Variants in ZBED6 observed in about 807,000 individuals in gnomAD.
ZBED6 encodes zinc finger BED domain-containing protein 6.
A neutral mutation model predicts 58.4 loss-of-function variants in ZBED6; 40 were observed. The observed-to-expected ratio is 0.68, with a 90% CI of 0.53 to 0.89. The LOEUF (loss-of-function observed/expected upper bound fraction) is 0.89, where lower values mean the gene tolerates loss of function less well. Among genes scored for constraint, ZBED6 ranks in the 40% least tolerant of loss-of-function variants. The pLI is 0.00. For missense variants in ZBED6, 1,057 were observed against 1,003.9 expected (o/e 1.05, Z -0.71); for synonymous variants, 439 against 350.6 (o/e 1.25, Z -2.82).
exon 1 of ZBED6, chr1:203,798,518 A>G: frequency 6.5e-7 from 1 of 1,536,174 alleles, no homozygotes; most frequent in Non-Finnish European, 8.7e-7. Flanking sequence ...CAAATGGATT[A>G]GATGAAGCTG....
At chr1:203,849,926 C>CACA in exon 14 of ZBED6, 1 of 1,614,110 alleles carries the variant, frequency 6.2e-7, no homozygotes, top group Non-Finnish European at 8.5e-7. Flanking sequence ...AGCGGCTTCC[C>CACA]ACAAAGTCAT....
intron 3 of ZBED6, 114 bp from the exon 4 acceptor site, chr1:203,828,185 C>A: frequency 2.4e-6 from 3 of 1,259,112 alleles, no homozygotes; most frequent in Non-Finnish European, 3.3e-6. Flanking sequence ...ATCATCTCAT[C>A]TCACATGCCT....
At chr1:203,847,342 A>G in exon 12 of ZBED6, 4 of 1,613,972 alleles carry the variant, frequency 2.5e-6, no homozygotes, top group Non-Finnish European at 2.5e-6. Context: ...CTCCTCCACT[A>G]TCCGTATCAA....
intron 3 of ZBED6, among the ~76,000 whole-genome samples, chr1:203,823,558 C>G (rs1379837830): frequency 6.6e-6 from 1 of 152,228 alleles, no homozygotes; most frequent in Non-Finnish European, 1.5e-5. Context: ...TCCCCACTTA[C>G]CAATTAACTT....
exon 1 of ZBED6, chr1:203,797,466 G>A: frequency 7.1e-7 from 1 of 1,415,356 alleles, no homozygotes; most frequent in Non-Finnish European, 9.2e-7. Context: ...CTGTATTTCT[G>A]CTTGAGTAAT....
intron 1 of ZBED6, among the ~76,000 whole-genome samples, chr1:203,812,124 T>C (rs1674684480): frequency 6.6e-6 from 1 of 152,134 alleles, no homozygotes; most frequent in Non-Finnish European, 1.5e-5. Context: ...GCCTTAACTT[T>C]CATTTTAAAT....
At chr1:203,819,201 A>G (rs996493831) in intron 3 of ZBED6, among the ~76,000 whole-genome samples, 1 of 148,162 alleles carries the variant, frequency 6.7e-6, no homozygotes, top group Non-Finnish European at 1.5e-5. Flanking sequence ...ACTTTCCTCT[A>G]TGCAATTTTT....
At chr1:203,851,012 A>T (rs1689116536) in intron 15 of ZBED6, 45 bp from the exon 16 acceptor site, 1 of 1,596,806 alleles carries the variant, frequency 6.3e-7, no homozygotes, top group South Asian at 1.1e-5. Flanking sequence ...TGCTCAAATT[A>T]AAAAGCCTGA....
chr1:203,853,061 T>G (rs2103490154), exon 17 of ZBED6: 1 of 152,270 alleles, frequency 6.6e-6, no homozygotes, highest in Admixed American at 6.6e-5. Context: ...TTAAAAGGCT[T>G]TAAAGTGCCT....
At position 203,831,566 on chromosome 1, in the gene ZBED6, T is replaced by C. The variant is rs949718957; in HGVS notation, c.*3400-95T>C. ...GGCTTATAGTCATAATATCAGTCTG[T>C]ATTGGACTTAACTGGTTACAAAAAC... On this transcript the variant is annotated intron_variant, in intron 7 of 16. Transcript: ENST00000550078. The C allele has an allele frequency of 1.2e-5, 11 of 921,860 alleles. No homozygotes were observed. The African/African-American group carries it at 1.8e-4, about 15-fold the overall frequency. The allele number at this position is 921,860 out of a possible 1,614,324, so 57.1% of individuals were successfully genotyped here.
chr1:203,834,745 G>A lies in ZBED6; in HGVS notation c.*3573+892G>A, dbSNP rs533385272. Among the ~76,000 whole-genome samples, 53 of 152,230 alleles carry A rather than the reference G, an allele frequency of 3.5e-4. 1 individual carries two copies. The highest frequency in any genetic ancestry group is 1.3e-3 in the African/African-American group (53 of 41,540). On this transcript the variant is annotated intron_variant, in intron 9 of 16. Transcript: ENST00000550078. Reference sequence around the variant, plus strand: ...GCTCACTGCAACCTCCACCTCCTGGGTTCAAGTGATTCTCCTGCCTCAGCC... The same window carrying A: ...GCTCACTGCAACCTCCACCTCCTGGATTCAAGTGATTCTCCTGCCTCAGCC...
At chr1:203,840,450 C>G (rs1468345196) in intron 11 of ZBED6, 76 bp downstream of exon 11, 2 of 1,420,004 alleles carry the variant, frequency 1.4e-6, no homozygotes, top group South Asian at 1.2e-5. Context: ...TCAGATTTAC[C>G]TGTTGCTTGC....
intron 1 of ZBED6, chr1:203,806,018 CTTG>C: frequency 1.8e-6 from 1 of 551,408 alleles, no homozygotes; most frequent in Admixed American, 2.1e-5. Flanking sequence ...TTGAATGACT[CTTG>C]GGTGCGATTG....
rs370178139 is a variant in ZBED6 at position 203,821,974 on chromosome 1, G to A, written c.*2873+3285G>A. On this transcript the variant is annotated intron_variant, in intron 3 of 16. Coordinates refer to ENST00000550078, the Ensembl canonical transcript of ZBED6. ...GGGTTTCACCGTGTTAGCCAGGATG[G>A]TCTCGATCTGCTGACCTCGTGATCC... Among the ~76,000 whole-genome samples, 53 of 152,142 alleles carry A rather than the reference G, an allele frequency of 3.5e-4. 1 individual carries two copies. The highest frequency in any genetic ancestry group is 2.3e-3 in the East Asian group (12 of 5,162).
intron 8 of ZBED6, among the ~76,000 whole-genome samples, chr1:203,832,493 TG>T (rs934730546): frequency 2.0e-5 from 3 of 152,090 alleles, no homozygotes; most frequent in Non-Finnish European, 4.4e-5. Context: ...CCCCAGTAGC[TG>T]GGATTATAGG....
intron 12 of ZBED6, 139 bp from the exon 13 acceptor site, chr1:203,848,192 T>C (rs930160371): frequency 1.5e-5 from 11 of 728,290 alleles, no homozygotes; most frequent in Admixed American, 8.8e-5. Flanking sequence ...TTTGAGACTT[T>C]AGGAGCACAG....
rs562743516 is a variant in ZBED6 at position 203,831,791 on chromosome 1, T to G, written c.*3510+20T>G. On this transcript the variant is annotated intron_variant, in intron 8 of 16. Transcript: ENST00000550078. ...AACAAGGTAAGGTATAGATAGGTCT[T>G]AGAGTTGTCAAGCCTCTACTTTTAT... is the stretch of plus-strand genomic sequence containing the variant. 5.9e-5 allele frequency: 93 copies of G among 1,586,296 alleles called. 3 individuals carry two copies. The South Asian group carries it at 9.3e-4, about 16-fold the overall frequency.
exon 1 of ZBED6, chr1:203,798,633 C>G (rs1404128284): frequency 6.5e-7 from 1 of 1,535,956 alleles, no homozygotes; most frequent in South Asian, 1.2e-5. Context: ...TTCAGATGAA[C>G]CTATGTTAGA....
intron 3 of ZBED6, among the ~76,000 whole-genome samples, chr1:203,824,567 T>C (rs1381781173): frequency 3.9e-5 from 6 of 152,190 alleles, no homozygotes; most frequent in Non-Finnish European, 8.8e-5. Context: ...TCATCTGACA[T>C]GTGTCACATT....
Sources: gnomAD v4.1 joint callset for allele counts (sites outside exome capture counted in the v4.1 genomes callset) on GRCh38, gnomAD v4.1.1 for gene constraint, MANE v1.5 for transcripts, NCBI Gene and HGNC (gene_info 2026-07-23, HGNC 2026-07-21) for gene names.